CFAP20DC: variants seen among roughly 807,000 people sequenced by gnomAD.
The protein encoded by CFAP20DC is protein CFAP20DC.
A neutral mutation model predicts 101.7 loss-of-function variants in CFAP20DC; 84 were observed. The observed-to-expected ratio is 0.83, with a 90% confidence interval of 0.69 to 0.99. The LOEUF (loss-of-function observed/expected upper bound fraction) is 0.99. CFAP20DC is among the 50% of genes least tolerant of loss of function. The pLI is 0.00. For missense variants in CFAP20DC, 1,007 were observed against 970.3 expected, an observed-to-expected ratio of 1.04 and a Z score of -0.50; for synonymous variants, 359 against 351.2, an observed-to-expected ratio of 1.02 and a Z score of -0.25.
intron 15 of CFAP20DC, among the ~76,000 whole-genome samples, chr3:58,773,017 C>CT (rs577204500): frequency 5.4e-4 from 79 of 145,984 alleles, no homozygotes; most frequent in Middle Eastern, 3.5e-3. Flanking sequence ...TTTTTTACTC[C>CT]TTTTTTTTTT....
intron 3 of CFAP20DC, among the ~76,000 whole-genome samples, chr3:59,044,775 AC>A (rs1416141596): frequency 5.3e-5 from 8 of 152,092 alleles, no homozygotes; most frequent in African/African-American, 1.7e-4. Context: ...TCAGAAAAAA[AC>A]AAAAGAACTA....
intron 14 of CFAP20DC, among the ~76,000 whole-genome samples, chr3:58,818,004 G>T (rs1377569897): frequency 7.0e-4 from 105 of 150,374 alleles, no homozygotes; most frequent in African/African-American, 2.4e-3. Context: ...TTAAAGAAAA[G>T]AATTTTCAAC....
intron 7 of CFAP20DC, among the ~76,000 whole-genome samples, chr3:58,876,711 T>C (rs867206983): frequency 3.9e-5 from 6 of 152,202 alleles, no homozygotes; most frequent in Non-Finnish European, 7.3e-5. Flanking sequence ...CTAATTATTA[T>C]AGTCATTTAA....
intron 4 of CFAP20DC, among the ~76,000 whole-genome samples, chr3:59,024,191 G>A (rs1382333302): frequency 6.6e-6 from 1 of 152,116 alleles, no homozygotes; most frequent in African/African-American, 2.4e-5. Context: ...CCAAATTAAA[G>A]GGAGTCTAAT....
At chr3:59,011,696 G>T (rs991224753) in intron 4 of CFAP20DC, among the ~76,000 whole-genome samples, 1 of 152,226 alleles carries the variant, frequency 6.6e-6, no homozygotes, top group Admixed American at 6.5e-5. Flanking sequence ...CCATTAATGA[G>T]ATTAACCAAG....
rs1265742377 is a variant in CFAP20DC at position 58,899,311 on chromosome 3, G to C, written c.550+14397C>G. On this transcript the variant is annotated intron_variant, in intron 6 of 16. Transcript: ENST00000482387. This position sits in a 1 kb window ranked among gnomAD's most constrained non-coding sequence, Gnocchi z 5.0. ...GAACTGCTGAGTTGCCTAAACCACA[G>C]AGATGTTGGCCACCCCTCCCACTGG... Among the ~76,000 whole-genome samples, 3 of 152,238 alleles carry C rather than the reference G, an allele frequency of 2.0e-5. No homozygotes were observed. Among genetic ancestry groups the C allele is most frequent in the Non-Finnish European group, 2.9e-5 (2 of 68,038 alleles).
chr3:58,744,064 T>G (rs1218076638), intron 16 of CFAP20DC, among the ~76,000 whole-genome samples: 1 of 152,216 alleles, frequency 6.6e-6, no homozygotes, highest in East Asian at 1.9e-4. Flanking sequence ...GCTAGCAGTC[T>G]TTAAAAGTGG....
At chr3:59,003,354 G>C (rs1170680001) in intron 4 of CFAP20DC, among the ~76,000 whole-genome samples, 1 of 152,166 alleles carries the variant, frequency 6.6e-6, no homozygotes, top group Non-Finnish European at 1.5e-5. Context: ...TTCAGACACA[G>C]ACTTAATATC....
intron 4 of CFAP20DC, among the ~76,000 whole-genome samples, chr3:58,991,811 G>A (rs930711316): frequency 7.2e-5 from 11 of 152,244 alleles, no homozygotes; most frequent in East Asian, 5.8e-4. Context: ...TGTGCGGCCC[G>A]TTCCTAACAG....
chr3:58,937,697 G>A lies in CFAP20DC; in HGVS notation c.344C>T (p.Ser115Phe). The A allele has an allele frequency of 1.2e-6, 2 of 1,612,894 alleles. No individual in the cohort carries two copies. ...TGGAATTTTTGCATGAAGAGGGGTG[G>A]AGGATAGTTCCTTATGGACCGTTGA... ...YLSTVHKELSSTPLHAKIPLF... is the reference protein window; with the variant it reads ...YLSTVHKELSFTPLHAKIPLF... The change falls in exon 5 of 17, where the codon TCC (serine) becomes TTC (phenylalanine). Residue 115 changes from serine (S) to phenylalanine (F), a missense_variant. By Grantham distance (155) the Ser-to-Phe change is radical. Coordinates refer to ENST00000482387, the MANE Select transcript of CFAP20DC (RefSeq NM_001394063.1).
At position 58,870,223 on chromosome 3, in the gene CFAP20DC, C is replaced by T. The variant is rs746783906; in HGVS notation, c.802G>A (p.Gly268Arg). 1 of 1,614,084 alleles carries T rather than the reference C, an allele frequency of 6.2e-7. No individual in the cohort carries two copies. Among genetic ancestry groups the T allele is most frequent in the Non-Finnish European group, 8.5e-7 (1 of 1,180,004 alleles). Residue 268 changes from glycine (G) to arginine (R), a missense_variant, in exon 8 of 17, where the codon GGG becomes AGG. Transcript: ENST00000482387. Reference protein sequence around the residue: ...CHIAFGSKVLGPPPLSGRRNN... With the variant: ...CHIAFGSKVLRPPPLSGRRNN... ...CTTCTGCCAGAGAGTGGAGGTGGCC[C>T]AAGAACTTTGGATCCAAATGCGATA...
At position 58,868,073 on chromosome 3, in the gene CFAP20DC, A is replaced by G. The variant is rs2079842207; in HGVS notation, c.1016-137T>C. 9.7e-7 allele frequency: 1 copy of G among 1,028,594 alleles called. No homozygotes were observed. Among genetic ancestry groups the G allele is most frequent in the African/African-American group, 1.6e-5 (1 of 60,786 alleles). The allele number at this position is 1,028,594 out of a possible 1,614,324, so 63.7% of individuals were successfully genotyped here. A position where few individuals can be genotyped will look rare whatever the true frequency, so the allele number is the denominator to read the frequency against. On this transcript the variant is annotated intron_variant, in intron 9 of 16. Transcript: ENST00000482387. This position sits in a 1 kb window ranked among gnomAD's most constrained non-coding sequence, Gnocchi z 4.6. ...CATAATGTGAAGATACATCAAAAAT[A>G]CAACTTCATAGAAAATAGGCATTTA... is the stretch of plus-strand genomic sequence containing the variant.
chr3:58,892,639 G>A lies in CFAP20DC; in HGVS notation c.551-7930C>T, dbSNP rs959395876. Among the ~76,000 whole-genome samples, 4 of 152,116 alleles carry A rather than the reference G, an allele frequency of 2.6e-5. No individual in the cohort carries two copies. The highest frequency in any genetic ancestry group is 9.7e-5 in the African/African-American group (4 of 41,398). On this transcript the variant is annotated intron_variant, in intron 6 of 16. Transcript: ENST00000482387. The surrounding 1 kb of genome is among the most constrained non-coding windows in gnomAD (Gnocchi z 4.0). ...TCATGATTTGGCTCTCTGCTTGCCT[G>A]TTGTTGGTGTATAGGAATGCTAGCA...
At chr3:58,849,499 T>G (rs754645257) in intron 12 of CFAP20DC, 90 bp from the exon 13 acceptor site, 10 of 999,950 alleles carry the variant, frequency 1.0e-5, no homozygotes, top group Non-Finnish European at 1.4e-5. Context: ...ATTCATATTT[T>G]CTATGAATAA....
chr3:58,802,328 A>T (rs920417009), intron 15 of CFAP20DC, among the ~76,000 whole-genome samples: 1 of 152,242 alleles, frequency 6.6e-6, no homozygotes, highest in Non-Finnish European at 1.5e-5. Flanking sequence ...TGTACATGTT[A>T]GGAAACGTTT....
chr3:58,778,740 C>T (rs1008849849), intron 15 of CFAP20DC, among the ~76,000 whole-genome samples: 1 of 152,198 alleles, frequency 6.6e-6, no homozygotes. Flanking sequence ...CCCACTGCTG[C>T]CACTATTGAG....
intron 4 of CFAP20DC, among the ~76,000 whole-genome samples, chr3:58,958,748 C>CT (rs949857037): frequency 4.0e-5 from 6 of 151,768 alleles, no homozygotes; most frequent in Non-Finnish European, 7.4e-5. Context: ...AGCCCTTTGT[C>CT]TTTTTTTTCT....
chr3:58,815,667 A>C (rs1175367256), intron 14 of CFAP20DC, among the ~76,000 whole-genome samples: 3 of 151,582 alleles, frequency 2.0e-5, no homozygotes, highest in Non-Finnish European at 2.9e-5. Flanking sequence ...TACAAGAAAA[A>C]AAACAAACAA....
intron 14 of CFAP20DC, among the ~76,000 whole-genome samples, chr3:58,831,232 G>A (rs1220878193): frequency 6.6e-6 from 1 of 152,234 alleles, no homozygotes; most frequent in Non-Finnish European, 1.5e-5. Flanking sequence ...GGAGCAATCA[G>A]TGAACATCTG....
Sources: gnomAD v4.1 joint callset for allele counts (sites outside exome capture counted in the v4.1 genomes callset) on GRCh38, gnomAD v4.1.1 for gene constraint, Gnocchi (gnomAD v3.1) non-coding constraint, MANE v1.5 for transcripts, NCBI Gene and HGNC (gene_info 2026-07-23, HGNC 2026-07-21) for gene names.